The following CCDC92B variants were observed in gnomAD, a reference collection of about 807,000 sequenced individuals.
CCDC92B encodes the protein coiled-coil domain-containing 92B.
Under a neutral mutation model 5.6 loss-of-function variants are expected in CCDC92B, and 2 were observed. The ratio of observed to expected loss-of-function variants is 0.36; its 90% CI spans 0.15 to 1.12. The LOEUF is 1.12. Among genes scored for constraint, CCDC92B ranks in the 50% most tolerant of loss-of-function variants. CCDC92B has a pLI of 0.40. For synonymous variants in CCDC92B, 115 were observed against 122.3 expected, an observed-to-expected ratio of 0.94 and a Z score of 0.39; for missense variants, 271 against 262.2, an observed-to-expected ratio of 1.03 and a Z score of -0.23.
chr17:2,729,494 C>CAAAAA (rs34350398), intron 3 of CCDC92B, among the ~76,000 whole-genome samples: 3 of 114,188 alleles, frequency 2.6e-5, no homozygotes, highest in Admixed American at 1.0e-4. Context: ...GACTCCGTCT[C>CAAAAA]AAAAAAAAAA....
intron 3 of CCDC92B, among the ~76,000 whole-genome samples, chr17:2,726,282 A>G (rs907478405): frequency 6.6e-6 from 1 of 150,634 alleles, no homozygotes. Flanking sequence ...GGTTCAAGCC[A>G]TTCTCCTGCC....
intron 1 of CCDC92B, among the ~76,000 whole-genome samples, chr17:2,736,610 G>A (rs996280215): frequency 6.6e-6 from 1 of 151,866 alleles, no homozygotes; most frequent in Non-Finnish European, 1.5e-5. Flanking sequence ...GCCGGACTCG[G>A]TGGTTCACGC....
chr17:2,741,529 A>AT (rs2070926219), intron 1 of CCDC92B, among the ~76,000 whole-genome samples: 1 of 151,146 alleles, frequency 6.6e-6, no homozygotes, highest in African/African-American at 2.4e-5. Context: ...AAATACAAAA[A>AT]CTACCCAGGC....
At chr17:2,730,900 C>G (rs901968828) in intron 2 of CCDC92B, among the ~76,000 whole-genome samples, 1 of 152,162 alleles carries the variant, frequency 6.6e-6, no homozygotes, top group Non-Finnish European at 1.5e-5. Context: ...GGGCTTTGAC[C>G]CTTTCGTGTT....
At chr17:2,728,624 C>A (rs1046655731) in intron 3 of CCDC92B, among the ~76,000 whole-genome samples, 9 of 151,150 alleles carry the variant, frequency 6.0e-5, no homozygotes, top group South Asian at 2.1e-4. Context: ...ACAAAAAAAA[C>A]AAAAAGATGA....
intron 1 of CCDC92B, among the ~76,000 whole-genome samples, chr17:2,735,830 C>A (rs965764124): frequency 6.6e-6 from 1 of 152,150 alleles, no homozygotes; most frequent in African/African-American, 2.4e-5. Context: ...CTGCTCCTCC[C>A]GCCCTAGCAG....
intron 1 of CCDC92B, among the ~76,000 whole-genome samples, chr17:2,746,332 G>C (rs1235916766): frequency 6.6e-6 from 1 of 152,132 alleles, no homozygotes; most frequent in African/African-American, 2.4e-5. Context: ...TAAAAAAATT[G>C]TTACCAAAAA....
chr17:2,733,363 G>T (rs1223131820), intron 2 of CCDC92B, among the ~76,000 whole-genome samples: 1 of 151,358 alleles, frequency 6.6e-6, no homozygotes, highest in South Asian at 2.1e-4. Context: ...AGGTTCAAGC[G>T]ATTCTCCTGC....
At chr17:2,747,687 A>G (rs771812666) in intron 1 of CCDC92B, among the ~76,000 whole-genome samples, 4 of 152,176 alleles carry the variant, frequency 2.6e-5, no homozygotes, top group Non-Finnish European at 5.9e-5. Flanking sequence ...AGATCGCACC[A>G]CTGCACTCCA....
chr17:2,741,355 G>C (rs1439186294), intron 1 of CCDC92B, among the ~76,000 whole-genome samples: 1 of 151,984 alleles, frequency 6.6e-6, no homozygotes, highest in Non-Finnish European at 1.5e-5. Context: ...AGCAAGAGTA[G>C]GTTCACATGG....
chr17:2,747,892 G>A (rs1446782958), intron 1 of CCDC92B, among the ~76,000 whole-genome samples: 1 of 152,140 alleles, frequency 6.6e-6, no homozygotes. Flanking sequence ...AATTGGTACT[G>A]TTCTTAGCAT....
In CCDC92B at chr17:2,724,840, C is replaced by T; in HGVS notation, c.339G>A (p.Leu113=). The change falls in exon 4 of 4, where the codon CTG becomes CTA. Residue 113 remains leucine (L), a synonymous_variant. Transcript: ENST00000614400. This position sits in a 1 kb window ranked among gnomAD's most constrained non-coding sequence, Gnocchi z 5.0. ...CSLRTEERRF[L]EELRRRSHRA... ...GGTGGCTGCGGCGGCGCAGCTCCTC[C>T]AGGAAGCGGCGCTCCTCGGTGCGCA... The T allele has an allele frequency of 1.0e-6, 1 of 985,096 alleles. No individual in the cohort carries two copies. Among genetic ancestry groups the T allele is most frequent in the Non-Finnish European group, 1.2e-6 (1 of 829,808 alleles). The allele number at this position is 985,096 out of a possible 1,614,324, so 61.0% of individuals were successfully genotyped here.
rs2070673171 is a variant in CCDC92B at position 2,722,882 on chromosome 17, T to C, written c.*1529A>G. On this transcript the variant is annotated 3_prime_UTR_variant, in exon 4 of 4. Transcript: ENST00000614400. Reference sequence around the variant, plus strand: ...ATGGCACGGGCTGGAGGGGTTTGTGTTTCCTTCTAGGCTGGGCTGGGGGTG... The same window carrying C: ...ATGGCACGGGCTGGAGGGGTTTGTGCTTCCTTCTAGGCTGGGCTGGGGGTG... 1 of 152,564 alleles carries C rather than the reference T, an allele frequency of 6.6e-6. No homozygotes were observed. The highest frequency in any genetic ancestry group is 1.9e-4 in the East Asian group (1 of 5,204). The allele number at this position is 152,564 out of a possible 1,614,324, so 9.5% of individuals were successfully genotyped here. A position where few individuals can be genotyped will look rare whatever the true frequency, so the allele number is the denominator to read the frequency against.
chr17:2,746,897 C>T (rs1028547790), intron 1 of CCDC92B, among the ~76,000 whole-genome samples: 7 of 152,120 alleles, frequency 4.6e-5, no homozygotes, highest in African/African-American at 1.7e-4. Flanking sequence ...GTCTTGAACT[C>T]CTGACCTCAG....
chr17:2,748,228 CACTT>C (rs775443223), intron 1 of CCDC92B: 16 of 673,384 alleles, frequency 2.4e-5, no homozygotes, highest in South Asian at 2.2e-4. Context: ...GCCATCCCCT[CACTT>C]ACTATATCCA....
Position 2,735,027 on chromosome 17 carries a change from T to A in CCDC92B, c.119A>T (p.Lys40Ile), listed in dbSNP as rs1205568830. 1 of 985,462 alleles carries A rather than the reference T, an allele frequency of 1.0e-6. No individual in the cohort carries two copies. Among genetic ancestry groups the A allele is most frequent in the Non-Finnish European group, 1.2e-6 (1 of 830,058 alleles). 61.0% of individuals were successfully genotyped at this position (985,462 alleles called of 1,614,324 possible). ...DLHLEILRLQKRCSELTHDLE... is the reference protein window; with the variant it reads ...DLHLEILRLQIRCSELTHDLE... The stretch of plus-strand genomic sequence containing the variant: ...TCTCCTGGCCTCACCTGAGCAGCGT[T>A]TCTGCAGCCTCAGGATCTCCAGGTG... Residue 40 changes from lysine to isoleucine, a missense_variant, in exon 2 of 4, where the codon AAA becomes ATA. Transcript: ENST00000614400.
At chr17:2,733,055 T>G (rs1190934868) in intron 2 of CCDC92B, among the ~76,000 whole-genome samples, 5 of 147,444 alleles carry the variant, frequency 3.4e-5, no homozygotes, top group Non-Finnish European at 7.4e-5. Context: ...AATAAATAAA[T>G]AAATAACTAG....
In CCDC92B at chr17:2,722,056, T is replaced by C. The variant is rs1195718989; in HGVS notation, c.*2355A>G. 2.0e-5 allele frequency: 3 copies of C among 152,052 alleles called. No individual in the cohort carries two copies. The highest frequency in any genetic ancestry group is 1.9e-4 in the East Asian group (1 of 5,178). The allele number at this position is 152,052 out of a possible 1,614,324, so 9.4% of individuals were successfully genotyped here. A position where few individuals can be genotyped will look rare whatever the true frequency, so the allele number is the denominator to read the frequency against. ...GGCTTTTAGTGGGTGGGTGGGCAGA[T>C]AGAGTACTTCACCATCTCTGCAGAA... is the stretch of plus-strand genomic sequence containing the variant. On this transcript the variant is annotated 3_prime_UTR_variant, in exon 4 of 4. Coordinates refer to ENST00000614400, the MANE Select transcript of CCDC92B (RefSeq NM_001355573.2).
In CCDC92B at chr17:2,727,566, C is replaced by A. The variant is rs1005561389; in HGVS notation, c.179-2566G>T. ...GAGGGCTGGGTGCAGTGGCTCACGCCTGTAATCCCAGCACTTTGGGAGGCC... is the reference window on the plus strand; with the variant it reads ...GAGGGCTGGGTGCAGTGGCTCACGCATGTAATCCCAGCACTTTGGGAGGCC... On this transcript the variant is annotated intron_variant, in intron 3 of 3. Transcript: ENST00000614400. Among the ~76,000 whole-genome samples, 3 of 152,250 alleles carry A rather than the reference C, an allele frequency of 2.0e-5. No individual in the cohort carries two copies. In the East Asian group the frequency reaches 5.8e-4, roughly 29 times the overall value.
Sources: allele counts gnomAD v4.1 joint callset (sites outside exome capture counted in the v4.1 genomes callset), GRCh38; gene constraint gnomAD v4.1.1; non-coding constraint Gnocchi (gnomAD v3.1); transcripts MANE v1.5; gene names NCBI Gene and HGNC (gene_info 2026-07-23, HGNC 2026-07-21).